DPH6: variants seen among roughly 807,000 people sequenced by gnomAD.
DPH6 encodes diphthine--ammonia ligase.
A neutral mutation model predicts 38.2 loss-of-function variants in DPH6; 33 were observed. The observed-to-expected ratio is 0.86, with a 90% CI of 0.65 to 1.15. The LOEUF is 1.15. Ranked by LOEUF, DPH6 falls within the 50% of genes most tolerant of loss-of-function variation. The pLI is 0.00. For missense variants in DPH6, 325 were observed against 320.0 expected (o/e 1.02, Z -0.12); for synonymous variants, 108 against 103.0 (o/e 1.05, Z -0.30).
intron 3 of DPH6, among the ~76,000 whole-genome samples, chr15:35,473,433 T>C (rs900195235): frequency 2.0e-5 from 3 of 151,476 alleles, no homozygotes; most frequent in African/African-American, 7.3e-5. Flanking sequence ...AGAAATAACA[T>C]AACTATGTTA....
At chr15:35,433,449 T>C (rs1211938519) in intron 5 of DPH6, among the ~76,000 whole-genome samples, 1 of 152,178 alleles carries the variant, frequency 6.6e-6, no homozygotes, top group Non-Finnish European at 1.5e-5. Context: ...TGGCTAATAA[T>C]GAAACTGCAG....
intron 3 of DPH6, among the ~76,000 whole-genome samples, chr15:35,321,227 T>C (rs912155458): frequency 2.0e-5 from 3 of 152,248 alleles, no homozygotes; most frequent in Admixed American, 2.0e-4. Context: ...GGTTAAACTA[T>C]GAACTAAATT....
chr15:35,532,435 C>T (rs73382795), intron 3 of DPH6, among the ~76,000 whole-genome samples: 4,385 of 152,132 alleles, frequency 0.029, 201 homozygotes, highest in African/African-American at 0.1. Context: ...AGAAGTCATA[C>T]CAGCATTATC....
At chr15:35,201,174 G>A in the DPH6 span, among the ~76,000 whole-genome samples, 2 of 151,224 alleles carry the variant, frequency 1.3e-5, no homozygotes, top group African/African-American at 4.8e-5. Context: ...CTTGATGTCT[G>A]AATTTCATTG....
chr15:35,342,759 G>C (rs7173834), intron 3 of DPH6, among the ~76,000 whole-genome samples: 3 of 152,158 alleles, frequency 2.0e-5, no homozygotes, highest in Non-Finnish European at 4.4e-5. Flanking sequence ...ATAATTTAGA[G>C]AATTTAGAAA....
At chr15:35,258,200 C>T (rs1040835209) in intron 3 of DPH6, among the ~76,000 whole-genome samples, 4 of 152,074 alleles carry the variant, frequency 2.6e-5, no homozygotes, top group African/African-American at 7.2e-5. Context: ...TTGCCTTACT[C>T]GGGCAAAAGA....
the DPH6 span, among the ~76,000 whole-genome samples, chr15:35,163,988 T>C: frequency 6.6e-6 from 1 of 151,854 alleles, no homozygotes; most frequent in Middle Eastern, 3.2e-3. Context: ...ATGTGAGTGG[T>C]AAACACTAAC....
intron 3 of DPH6, among the ~76,000 whole-genome samples, chr15:35,289,298 C>T (rs1394149738): frequency 6.6e-6 from 1 of 152,090 alleles, no homozygotes; most frequent in Non-Finnish European, 1.5e-5. Flanking sequence ...ATGTTTAATT[C>T]CCAAAGAAAC....
intron 5 of DPH6, among the ~76,000 whole-genome samples, chr15:35,438,447 G>A (rs2053745489): frequency 6.6e-6 from 1 of 152,178 alleles, no homozygotes; most frequent in South Asian, 2.1e-4. Context: ...TGGAGCCCCA[G>A]GAATTAGAGG....
chr15:35,215,061 T>A (rs1285127385), downstream of DPH6, among the ~76,000 whole-genome samples: 1 of 152,188 alleles, frequency 6.6e-6, no homozygotes, highest in African/African-American at 2.4e-5. Flanking sequence ...CATAACACCA[T>A]CTTGTGCAAT....
intron 3 of DPH6, among the ~76,000 whole-genome samples, chr15:35,277,423 C>T (rs1480574553): frequency 6.6e-6 from 1 of 152,136 alleles, no homozygotes; most frequent in Non-Finnish European, 1.5e-5. Flanking sequence ...ATTTCCCCCT[C>T]TTGTCTGACT....
chr15:35,279,968 C>A (rs1027198123), intron 3 of DPH6, among the ~76,000 whole-genome samples: 3 of 152,060 alleles, frequency 2.0e-5, no homozygotes, highest in African/African-American at 7.2e-5. Flanking sequence ...ATCTCTTTCC[C>A]CACACACATG....
rs1651804261 is a variant in DPH6, at chr15:35,370,968, A to T, written c.*1182T>A. On this transcript the variant is annotated 3_prime_UTR_variant, in exon 9 of 9. Transcript: ENST00000256538. ...TTCAATAGGTGCATGGACAAATGAAATGTGGTAGAACCAGACAATAAAATT... is the reference window on the plus strand; with the variant it reads ...TTCAATAGGTGCATGGACAAATGAATTGTGGTAGAACCAGACAATAAAATT... The T allele has an allele frequency of 6.6e-6, 1 of 151,716 alleles. No individual in the cohort carries two copies. Among genetic ancestry groups the T allele is most frequent in the South Asian group, 2.1e-4 (1 of 4,832 alleles). The allele number at this position is 151,716 out of a possible 1,614,324, so 9.4% of individuals were successfully genotyped here. A position where few individuals can be genotyped will look rare whatever the true frequency, so the allele number is the denominator to read the frequency against.
At chr15:35,424,137 T>C (rs2053540276) in intron 5 of DPH6, among the ~76,000 whole-genome samples, 1 of 151,706 alleles carries the variant, frequency 6.6e-6, no homozygotes, top group Non-Finnish European at 1.5e-5. Context: ...ATTGAATCTG[T>C]AGATCACTTG....
the DPH6 span, among the ~76,000 whole-genome samples, chr15:35,185,640 C>T: frequency 3.3e-5 from 5 of 150,648 alleles, no homozygotes; most frequent in African/African-American, 7.3e-5. Context: ...AATTTTCACA[C>T]GAAAATTTTC....
At chr15:35,312,376 C>A (rs1017801608) in intron 3 of DPH6, among the ~76,000 whole-genome samples, 1 of 152,112 alleles carries the variant, frequency 6.6e-6, no homozygotes, top group Non-Finnish European at 1.5e-5. Context: ...ATTTTAGAAA[C>A]CTCCAAGGGA....
At chr15:35,444,485 A>G (rs1293927358) in intron 5 of DPH6, among the ~76,000 whole-genome samples, 3 of 152,194 alleles carry the variant, frequency 2.0e-5, no homozygotes, top group Non-Finnish European at 4.4e-5. Flanking sequence ...CTTGGCTACT[A>G]GAACTGCTGG....
the DPH6 span, among the ~76,000 whole-genome samples, chr15:35,188,631 T>C: frequency 6.6e-6 from 1 of 152,188 alleles, no homozygotes; most frequent in Non-Finnish European, 1.5e-5. Flanking sequence ...CTTCTGTCCC[T>C]CAGTCGAATT....
chr15:35,208,325 A>T, the DPH6 span, among the ~76,000 whole-genome samples: 1 of 152,246 alleles, frequency 6.6e-6, no homozygotes, highest in African/African-American at 2.4e-5. Flanking sequence ...GAAGAAAGCA[A>T]CATTTACAAG....
Sources: allele counts gnomAD v4.1 joint callset (sites outside exome capture counted in the v4.1 genomes callset), GRCh38; gene constraint gnomAD v4.1.1; transcripts MANE v1.5; gene names NCBI Gene and HGNC (gene_info 2026-07-23, HGNC 2026-07-21).